PTPRD: variants seen among roughly 807,000 people sequenced by gnomAD.
PTPRD encodes receptor-type tyrosine-protein phosphatase delta.
Under a neutral mutation model 214.5 loss-of-function variants are expected in PTPRD, and 34 were observed. That is an observed-to-expected ratio of 0.16 (90% CI 0.12 to 0.21). PTPRD has a LOEUF of 0.21. Ranked by LOEUF, PTPRD falls within the 10% of genes least tolerant of loss-of-function variation. The pLI is 1.00. For synonymous variants in PTPRD, 1,128 were observed against 845.7 expected (o/e 1.33, Z -5.79); for missense variants, 2,545 against 2,398.7 (o/e 1.06, Z -1.27).
chr9:10,246,943 CAAATA>C (rs920052366), intron 3 of PTPRD, among the ~76,000 whole-genome samples: 6 of 151,266 alleles, frequency 4.0e-5, no homozygotes, highest in African/African-American at 1.5e-4. Context: ...AATAATAAAA[CAAATA>C]AAATAAAATG....
intron 14 of PTPRD, among the ~76,000 whole-genome samples, chr9:8,580,719 C>G (rs1437396101): frequency 6.6e-6 from 1 of 152,046 alleles, no homozygotes; most frequent in African/African-American, 2.4e-5. Context: ...GTAAGTACAA[C>G]AAAATAGGTA....
intron 20 of PTPRD, among the ~76,000 whole-genome samples, chr9:8,519,107 A>G (rs2097843191): frequency 6.6e-6 from 1 of 152,300 alleles, no homozygotes; most frequent in East Asian, 1.9e-4. Flanking sequence ...TTAAGGTGCA[A>G]AAGAATAGAA....
intron 7 of PTPRD, among the ~76,000 whole-genome samples, chr9:9,690,556 T>C (rs1412506048): frequency 6.6e-6 from 1 of 151,938 alleles, no homozygotes; most frequent in Non-Finnish European, 1.5e-5. Flanking sequence ...CCCAGAGCAA[T>C]ATCCTATAGC....
At chr9:8,796,199 ATAAT>A (rs1478425440) in intron 11 of PTPRD, among the ~76,000 whole-genome samples, 2 of 152,302 alleles carry the variant, frequency 1.3e-5, no homozygotes, top group South Asian at 2.1e-4. Flanking sequence ...AGATGAAGGG[ATAAT>A]TAGAGATGAA....
At chr9:9,480,096 T>C (rs2095339465) in intron 8 of PTPRD, among the ~76,000 whole-genome samples, 1 of 152,166 alleles carries the variant, frequency 6.6e-6, no homozygotes. Flanking sequence ...ATGAAAATAC[T>C]GCCCACAAAA....
chr9:8,483,867 C>A (rs979833514), intron 30 of PTPRD, among the ~76,000 whole-genome samples: 4 of 152,202 alleles, frequency 2.6e-5, no homozygotes, highest in African/African-American at 9.6e-5. Flanking sequence ...ATATGTTTTT[C>A]TGTTTCTCCT....
intron 8 of PTPRD, among the ~76,000 whole-genome samples, chr9:9,447,156 G>A (rs140659753): frequency 6.3e-4 from 96 of 152,144 alleles, no homozygotes; most frequent in African/African-American, 2.2e-3. Context: ...CCAGCAATCC[G>A]ATTACTGAGT....
At chr9:10,401,353 C>T (rs550372288) in intron 2 of PTPRD, among the ~76,000 whole-genome samples, 1 of 151,508 alleles carries the variant, frequency 6.6e-6, no homozygotes, top group East Asian at 2.0e-4. Context: ...GATGACAAGT[C>T]TATCAAGTGG....
intron 3 of PTPRD, among the ~76,000 whole-genome samples, chr9:10,035,251 T>C (rs948430433): frequency 1.3e-5 from 2 of 152,168 alleles, no homozygotes; most frequent in African/African-American, 2.4e-5. Flanking sequence ...AGGTCTTCTT[T>C]TGAGAAGTGC....
chr9:9,502,746 A>T (rs1477359796), intron 8 of PTPRD, among the ~76,000 whole-genome samples: 12 of 151,968 alleles, frequency 7.9e-5, no homozygotes, highest in Admixed American at 7.9e-4. Context: ...TTGTTTATAA[A>T]AAAGGAGCAA....
At chr9:8,676,900 T>TA (rs201644843) in intron 12 of PTPRD, among the ~76,000 whole-genome samples, 1,869 of 152,140 alleles carry the variant, frequency 0.012, 16 homozygotes, top group Non-Finnish European at 0.015. Context: ...TTGTTGTTGT[T>TA]AAAAAAACGG....
intron 39 of PTPRD, among the ~76,000 whole-genome samples, chr9:8,372,863 C>G (rs1338933646): frequency 6.6e-6 from 1 of 151,900 alleles, no homozygotes; most frequent in Non-Finnish European, 1.5e-5. Context: ...CACCGCCAGC[C>G]TGACCTTTTT....
In PTPRD at chr9:8,345,050, T is replaced by G. The variant is rs189873644; in HGVS notation, c.4662-3072A>C. On this transcript the variant is annotated intron_variant, in intron 39 of 45. Transcript: ENST00000381196. ...AATTACTTTAGAAACATTTGAGATT[T>G]GGCTTTTAAAATCTTGCTTTCGTCT... Among the ~76,000 whole-genome samples the G allele has an allele frequency of 3.6e-3, 417 of 115,068 alleles. 5 individuals carry two copies. The highest frequency in any genetic ancestry group is 5.7e-3 in the Non-Finnish European group (261 of 45,866). 75.5% of individuals were successfully genotyped at this position (115,068 alleles called of 152,430 possible).
At chr9:8,414,868 C>G (rs946309793) in intron 35 of PTPRD, among the ~76,000 whole-genome samples, 1 of 116,500 alleles carries the variant, frequency 8.6e-6, no homozygotes, top group Non-Finnish European at 1.7e-5. Flanking sequence ...TGCAGGGGAG[C>G]AGGAGAGAGG....
At chr9:9,648,658 A>C (rs1334256162) in intron 7 of PTPRD, among the ~76,000 whole-genome samples, 3 of 152,222 alleles carry the variant, frequency 2.0e-5, no homozygotes, top group Non-Finnish European at 4.4e-5. Context: ...TGTAGCACAA[A>C]ACCATATTTT....
intron 10 of PTPRD, among the ~76,000 whole-genome samples, chr9:9,026,259 G>C (rs953651026): frequency 3.3e-5 from 5 of 151,970 alleles, no homozygotes; most frequent in Non-Finnish European, 5.9e-5. Context: ...ACCAGCTTTA[G>C]TGCTTGAAGA....
intron 3 of PTPRD, among the ~76,000 whole-genome samples, chr9:10,227,317 A>AAAG (rs1268769596): frequency 6.6e-6 from 1 of 152,074 alleles, no homozygotes; most frequent in African/African-American, 2.4e-5. Flanking sequence ...AAAATAATGA[A>AAAG]AAGTCAAGAA....
chr9:10,291,057 T>A (rs1011787511), intron 3 of PTPRD, among the ~76,000 whole-genome samples: 11 of 151,056 alleles, frequency 7.3e-5, no homozygotes, highest in Non-Finnish European at 1.5e-4. Flanking sequence ...TCCTTACTGG[T>A]AATTTCTTTA....
intron 3 of PTPRD, among the ~76,000 whole-genome samples, chr9:10,290,224 A>G (rs1049756588): frequency 2.6e-5 from 4 of 152,126 alleles, no homozygotes; most frequent in South Asian, 2.1e-4. Flanking sequence ...CATTTATTCA[A>G]TAGTAGTCAA....
Sources: gnomAD v4.1 joint callset for allele counts (sites outside exome capture counted in the v4.1 genomes callset) on GRCh38, gnomAD v4.1.1 for gene constraint, MANE v1.5 for transcripts, NCBI Gene and HGNC (gene_info 2026-07-23, HGNC 2026-07-21) for gene names.